Variants in CCDC32 observed in about 807,000 individuals in gnomAD.
CCDC32 encodes the protein coiled-coil domain-containing protein 32.
A neutral mutation model predicts 20.1 loss-of-function variants in CCDC32; 9 were observed. That is an observed-to-expected ratio of 0.45 (90% CI 0.27 to 0.78). The LOEUF (loss-of-function observed/expected upper bound fraction) is 0.78, where lower values mean the gene tolerates loss of function less well. Among genes scored for constraint, CCDC32 ranks in the 30% least tolerant of loss-of-function variants. The probability of loss-of-function intolerance (pLI) is 0.16; values close to 1 mark genes in which losing one functional copy is unlikely to be tolerated. For missense variants in CCDC32, 204 were observed against 215.5 expected, an observed-to-expected ratio of 0.95 and a Z score of 0.33; for synonymous variants, 63 against 79.0, an observed-to-expected ratio of 0.80 and a Z score of 1.07.
At chr15:40,554,682 A>G (rs888297863) in intron 3 of CCDC32, among the ~76,000 whole-genome samples, 2 of 152,104 alleles carry the variant, frequency 1.3e-5, no homozygotes, top group Non-Finnish European at 2.9e-5. Flanking sequence ...TGAGCAGCAA[A>G]TATTCCCCAC....
chr15:40,564,914 T>C, intron 1 of CCDC32, 62 bp downstream of exon 1: 1 of 1,145,556 alleles, frequency 8.7e-7, no homozygotes, highest in Non-Finnish European at 1.3e-6. Context: ...TATGTGGTAT[T>C]CCGGGGCCGG....
downstream of CCDC32, among the ~76,000 whole-genome samples, chr15:40,526,672 G>A (rs553610935): frequency 9.9e-5 from 15 of 152,242 alleles, no homozygotes; most frequent in East Asian, 2.3e-3. Context: ...CAGCATTTTC[G>A]GAGGCCGAGG....
chr15:40,548,599 A>T (rs1889716234), downstream of CCDC32, among the ~76,000 whole-genome samples: 1 of 152,048 alleles, frequency 6.6e-6, no homozygotes, highest in Admixed American at 6.5e-5. Flanking sequence ...AAACTGGGGG[A>T]TGAAATCATT....
In CCDC32 at chr15:40,562,850, C is replaced by T. The variant is rs1890740695; in HGVS notation, c.166G>A (p.Val56Met). 1.2e-6 allele frequency: 2 copies of T among 1,614,098 alleles called. No homozygotes were observed. The highest frequency in any genetic ancestry group is 2.2e-5 in the South Asian group (2 of 91,090). ...GCTGGCTGGACAGCAAAGTCAGCCA[C>T]CTCCCTCTGGCCTTCACCTTCAGGG... is the stretch of plus-strand genomic sequence containing the variant. ...SCPEGEGQRE[V>M]ADFAVQPAVK... Residue 56 changes from valine (V) to methionine (M), a missense_variant, in exon 2 of 4, where the codon GTG becomes ATG. Val to Met is a conservative substitution (Grantham distance 21, BLOSUM62 1). Transcript: ENST00000416810.
chr15:40,544,676 T>C lies in CCDC32; in HGVS notation c.402-5321A>G, dbSNP rs542738095. Among the ~76,000 whole-genome samples, 118 of 151,942 alleles carry C rather than the reference T, an allele frequency of 7.8e-4. 1 individual carries two copies. Among genetic ancestry groups the C allele is most frequent in the Non-Finnish European group, 5.0e-4 (34 of 67,992 alleles). On this transcript the variant is annotated intron_variant, in intron 3 of 3. Transcript: ENST00000558113. ...TAAAGATACTGCTGGAGTCCTGAGG[T>C]CCAGCTAACTGAAGCCAGCTCTATA...
intron 3 of CCDC32, chr15:40,539,377 A>G: frequency 6.6e-7 from 1 of 1,526,682 alleles, no homozygotes. Flanking sequence ...AGACAGACCG[A>G]CAGAGACGAG....
At chr15:40,523,024 C>T in the CCDC32 span, among the ~76,000 whole-genome samples, 1 of 150,966 alleles carries the variant, frequency 6.6e-6, no homozygotes, top group African/African-American at 2.4e-5. Context: ...AGTGTGTTTT[C>T]GCCATGTTAG....
the CCDC32 span, among the ~76,000 whole-genome samples, chr15:40,521,420 A>G: frequency 3.3e-5 from 5 of 152,090 alleles, no homozygotes; most frequent in African/African-American, 9.7e-5. Context: ...ATTCCATTGT[A>G]TGGAATTTTA....
At chr15:40,559,268 T>G (rs762074080) in intron 2 of CCDC32, among the ~76,000 whole-genome samples, 8 of 152,160 alleles carry the variant, frequency 5.3e-5, no homozygotes, top group Non-Finnish European at 1.0e-4. Context: ...AAAAATGTAT[T>G]TGTAAAGACA....
chr15:40,539,449 T>G, intron 3 of CCDC32: 1 of 1,094,324 alleles, frequency 9.1e-7, no homozygotes, highest in Admixed American at 2.0e-5. Context: ...CAGGCATACA[T>G]AGGAGCACCG....
At chr15:40,523,322 T>C in the CCDC32 span, among the ~76,000 whole-genome samples, 5,163 of 151,764 alleles carry the variant, frequency 0.034, 293 homozygotes, top group African/African-American at 0.12. Flanking sequence ...CTGACCAACA[T>C]GGAGAAACCC....
At chr15:40,532,341 G>T (rs999716668), downstream of CCDC32, 6 of 701,688 alleles carry the variant, frequency 8.6e-6, no homozygotes, top group Non-Finnish European at 1.0e-5. Context: ...ACAAACATAA[G>T]GCTCCATTTT....
intron 3 of CCDC32, among the ~76,000 whole-genome samples, chr15:40,555,909 C>G (rs1165297494): frequency 1.3e-5 from 2 of 152,136 alleles, no homozygotes; most frequent in Non-Finnish European, 2.9e-5. Context: ...TAATTTCTTA[C>G]CAAACTCTAA....
chr15:40,525,806 G>A (rs1894893137), downstream of CCDC32, among the ~76,000 whole-genome samples: 2 of 152,214 alleles, frequency 1.3e-5, no homozygotes, highest in African/African-American at 4.8e-5. Flanking sequence ...TCTGGCCTGG[G>A]TTCTCCAAGC....
chr15:40,559,434 C>T (rs530885521), intron 2 of CCDC32, among the ~76,000 whole-genome samples: 1 of 152,222 alleles, frequency 6.6e-6, no homozygotes, highest in South Asian at 2.1e-4. Context: ...ACCAACAAGC[C>T]AAGGGATCTC....
At chr15:40,546,657 T>C (rs1242017834) in intron 3 of CCDC32, among the ~76,000 whole-genome samples, 1 of 152,152 alleles carries the variant, frequency 6.6e-6, no homozygotes, top group Non-Finnish European at 1.5e-5. Flanking sequence ...TTGATTCATC[T>C]TCTGATAATG....
At chr15:40,539,931 C>G (rs1889318521) in intron 3 of CCDC32, among the ~76,000 whole-genome samples, 1 of 151,012 alleles carries the variant, frequency 6.6e-6, no homozygotes, top group Admixed American at 6.6e-5. Flanking sequence ...TCATAAATAC[C>G]TACTCAGCCT....
chr15:40,522,107 A>G, the CCDC32 span, among the ~76,000 whole-genome samples: 1 of 152,224 alleles, frequency 6.6e-6, no homozygotes, highest in Non-Finnish European at 1.5e-5. Context: ...TATTTAAAAA[A>G]AGAGAAAAAA....
At chr15:40,535,757 G>T, downstream of CCDC32, 2 of 639,056 alleles carry the variant, frequency 3.1e-6, no homozygotes, top group Non-Finnish European at 3.9e-6. Flanking sequence ...TCTGATTGCA[G>T]TGGAGTTTCA....
Sources: allele counts gnomAD v4.1 joint callset (sites outside exome capture counted in the v4.1 genomes callset), GRCh38; gene constraint gnomAD v4.1.1; transcripts MANE v1.5; gene names NCBI Gene and HGNC (gene_info 2026-07-23, HGNC 2026-07-21).